The following CDK5RAP2 variants were observed in gnomAD, a reference collection of about 807,000 sequenced individuals.
CDK5RAP2 encodes the protein CDK5 regulatory subunit-associated protein 2.
A neutral mutation model predicts 232.9 loss-of-function variants in CDK5RAP2; 147 were observed. The ratio of observed to expected loss-of-function variants is 0.63; its 90% CI spans 0.55 to 0.72. The LOEUF (loss-of-function observed/expected upper bound fraction) is 0.72, where lower values mean the gene tolerates loss of function less well. CDK5RAP2 is among the 30% of genes least tolerant of loss of function. The pLI is 0.00. For missense variants in CDK5RAP2, 2,195 were observed against 2,231.5 expected (o/e 0.98, Z 0.33); for synonymous variants, 833 against 833.7 (o/e 1.00, Z 0.01).
chr9:120,488,472 C>A (rs2038727831), intron 13 of CDK5RAP2, among the ~76,000 whole-genome samples: 1 of 152,148 alleles, frequency 6.6e-6, no homozygotes, highest in East Asian at 1.9e-4. Context: ...ATGGTGTCCT[C>A]TCCCTCTCCT....
chr9:120,565,183 C>T (rs1489760362), intron 3 of CDK5RAP2, among the ~76,000 whole-genome samples: 1 of 152,218 alleles, frequency 6.6e-6, no homozygotes, highest in Non-Finnish European at 1.5e-5. Context: ...TAAGTCCCTA[C>T]CCCTGTCTGG....
intron 21 of CDK5RAP2, 74 bp from the exon 22 acceptor site, chr9:120,448,200 GC>G: frequency 7.9e-7 from 1 of 1,261,526 alleles, no homozygotes; most frequent in Non-Finnish European, 1.2e-6. Flanking sequence ...ACATTCTCAT[GC>G]CAGCCTTATA....
intron 13 of CDK5RAP2, among the ~76,000 whole-genome samples, chr9:120,488,382 A>G (rs1356923639): frequency 1.3e-5 from 2 of 151,800 alleles, no homozygotes; most frequent in Admixed American, 1.3e-4. Flanking sequence ...AAATTACACT[A>G]TTCATTTTCA....
chr9:120,520,291 A>G (rs2131848734), intron 11 of CDK5RAP2, among the ~76,000 whole-genome samples: 1 of 152,290 alleles, frequency 6.6e-6, no homozygotes, highest in South Asian at 2.1e-4. Context: ...GCTGCCTGTA[A>G]TCCCAACACT....
intron 3 of CDK5RAP2, among the ~76,000 whole-genome samples, chr9:120,559,409 C>A (rs1314342409): frequency 2.0e-5 from 3 of 149,714 alleles, no homozygotes; most frequent in African/African-American, 7.4e-5. Flanking sequence ...AGGGCATGAA[C>A]CTGGGAAGCA....
intron 25 of CDK5RAP2, among the ~76,000 whole-genome samples, chr9:120,428,019 C>T (rs1049274586): frequency 2.0e-5 from 3 of 152,032 alleles, no homozygotes; most frequent in Non-Finnish European, 2.9e-5. Flanking sequence ...GGGTACATAA[C>T]GAAATGAAGG....
At chr9:120,552,228 C>A (rs565292985) in intron 3 of CDK5RAP2, among the ~76,000 whole-genome samples, 1 of 151,896 alleles carries the variant, frequency 6.6e-6, no homozygotes, top group Non-Finnish European at 1.5e-5. Context: ...AATAGGAACA[C>A]TTTTACACTG....
chr9:120,427,963 C>T (rs956817032), intron 25 of CDK5RAP2, among the ~76,000 whole-genome samples: 9 of 152,062 alleles, frequency 5.9e-5, no homozygotes, highest in Non-Finnish European at 1.2e-4. Flanking sequence ...CACTCAAAAC[C>T]GCTCAACTAC....
intron 7 of CDK5RAP2, among the ~76,000 whole-genome samples, chr9:120,535,473 A>G (rs989913862): frequency 1.3e-4 from 20 of 152,226 alleles, no homozygotes. Context: ...GACCAAGAAA[A>G]AGGAGCCAGT....
intron 11 of CDK5RAP2, among the ~76,000 whole-genome samples, chr9:120,520,556 T>C (rs1364502440): frequency 1.3e-5 from 2 of 152,020 alleles, no homozygotes; most frequent in African/African-American, 2.4e-5. Context: ...GACAGGAGAA[T>C]TGCTTGAACC....
At chr9:120,530,890 G>A in intron 7 of CDK5RAP2, among the ~76,000 whole-genome samples, 1 of 27,158 alleles carries the variant, frequency 3.7e-5, no homozygotes, top group African/African-American at 8.9e-5. Flanking sequence ...ATAGCATTAG[G>A]AGATATACCT....
chr9:120,416,915 A>G (rs2034255392), intron 27 of CDK5RAP2, among the ~76,000 whole-genome samples: 1 of 152,254 alleles, frequency 6.6e-6, no homozygotes, highest in Admixed American at 6.5e-5. Context: ...TAATTTTACC[A>G]TGAATTTGAA....
chr9:120,489,511 T>C (rs570306691), intron 13 of CDK5RAP2, among the ~76,000 whole-genome samples: 1 of 152,300 alleles, frequency 6.6e-6, no homozygotes, highest in East Asian at 1.9e-4. Context: ...CTAGTTTTCT[T>C]AATTTTCTCT....
At chr9:120,533,135 G>A (rs931712573) in intron 7 of CDK5RAP2, among the ~76,000 whole-genome samples, 6 of 152,078 alleles carry the variant, frequency 3.9e-5, no homozygotes, top group East Asian at 1.9e-4. Context: ...GTCACAGCAC[G>A]GAACCCTGGG....
intron 1 of CDK5RAP2, among the ~76,000 whole-genome samples, chr9:120,574,249 C>G (rs2042952799): frequency 6.6e-6 from 1 of 152,164 alleles, no homozygotes; most frequent in Non-Finnish European, 1.5e-5. Context: ...TTTTAAAATG[C>G]TATGAATCTG....
chr9:120,570,438 A>G (rs2042811449), intron 2 of CDK5RAP2, among the ~76,000 whole-genome samples: 1 of 152,148 alleles, frequency 6.6e-6, no homozygotes, highest in Non-Finnish European at 1.5e-5. Context: ...ACAAATTCTC[A>G]TAAGGGTTTG....
At chr9:120,571,878 C>T in intron 2 of CDK5RAP2, 96 bp downstream of exon 2, 1 of 979,156 alleles carries the variant, frequency 1.0e-6, no homozygotes, top group South Asian at 1.3e-5. Context: ...AGGGAAGCCT[C>T]TGGGCCCCAG....
chr9:120,409,180 T>A lies in CDK5RAP2; in HGVS notation c.4551A>T (p.Arg1517Ser). The A allele has an allele frequency of 1.9e-6, 3 of 1,613,600 alleles. No individual in the cohort carries two copies. The highest frequency in any genetic ancestry group is 1.7e-6 in the Non-Finnish European group (2 of 1,180,024). ...RLQKEGSEKE[R>S]HNQQLIQEVR... Reference sequence around the variant, plus strand: ...CCTCCTGGATCAGCTGCTGGTTGTGTCTCTCCTTCTCGCTGCCTTCTTTCT... The same window carrying A: ...CCTCCTGGATCAGCTGCTGGTTGTGACTCTCCTTCTCGCTGCCTTCTTTCT... Residue 1517 changes from arginine (R) to serine (S), a missense_variant, in exon 30 of 38, where the codon AGA (arginine) becomes AGT (serine). Coordinates refer to ENST00000349780, the MANE Select transcript of CDK5RAP2 (RefSeq NM_018249.6).
intron 12 of CDK5RAP2, among the ~76,000 whole-genome samples, chr9:120,503,102 C>CT (rs1230490681): frequency 6.6e-6 from 1 of 152,128 alleles, no homozygotes; most frequent in Admixed American, 6.5e-5. Flanking sequence ...AAATTCTGTG[C>CT]TTTTTCCACC....
Sources: gnomAD v4.1 joint callset for allele counts (sites outside exome capture counted in the v4.1 genomes callset) on GRCh38, gnomAD v4.1.1 for gene constraint, MANE v1.5 for transcripts, NCBI Gene and HGNC (gene_info 2026-07-23, HGNC 2026-07-21) for gene names.